ATXN2L: variants seen among roughly 807,000 people sequenced by gnomAD.
ATXN2L encodes the protein ataxin 2 like.
A neutral mutation model predicts 120.7 loss-of-function variants in ATXN2L; 24 were observed. The ratio of observed to expected loss-of-function variants is 0.20; its 90% CI spans 0.14 to 0.28. The LOEUF is 0.28. Ranked by LOEUF, ATXN2L falls within the 10% of genes least tolerant of loss-of-function variation. The pLI, the probability that ATXN2L is intolerant of heterozygous loss-of-function variation, is 1.00. For missense variants in ATXN2L, 1,312 were observed against 1,432.3 expected (o/e 0.92, Z 1.36); for synonymous variants, 653 against 568.1 (o/e 1.15, Z -2.13).
At position 28,834,133 on chromosome 16, in the gene ATXN2L, G is replaced by C; in HGVS notation, c.2094G>C (p.Leu698=). 6.2e-7 allele frequency: 1 copy of C among 1,614,146 alleles called. No individual in the cohort carries two copies. Among genetic ancestry groups the C allele is most frequent in the Non-Finnish European group, 8.5e-7 (1 of 1,180,022 alleles). ...ATTCAACTCCCTCCATCCCGGTGCT[G>C]ACAGCAGGCCAGAGTGGGCTATACA... The part of the protein sequence containing the change: ...RTHSTPSIPV[L]TAGQSGLYSP... Residue 698 remains leucine, a synonymous_variant, in exon 16 of 22, where the codon CTG becomes CTC. Coordinates refer to ENST00000336783, the MANE Select transcript of ATXN2L (RefSeq NM_007245.4).
chr16:28,824,901 G>A (rs2051243720), intron 1 of ATXN2L, among the ~76,000 whole-genome samples: 1 of 152,052 alleles, frequency 6.6e-6, no homozygotes, highest in Non-Finnish European at 1.5e-5. Flanking sequence ...CCTCTACAAG[G>A]TGACAGTTTG....
rs557932604 is a variant in ATXN2L at position 28,829,294 on chromosome 16, T to C, written c.742-107T>C. On this transcript the variant is annotated intron_variant, in intron 6 of 21. Coordinates refer to ENST00000336783, the MANE Select transcript of ATXN2L (RefSeq NM_007245.4). The stretch of plus-strand genomic sequence containing the variant: ...CTGGGATTACAGGTTTCAGCCACTG[T>C]GCCCAGCCAATTTGTTCACATCTTG... 82 of 781,486 alleles carry C rather than the reference T, an allele frequency of 1.0e-4. 1 individual carries two copies. Among genetic ancestry groups the C allele is most frequent in the Non-Finnish European group, 1.8e-4 (78 of 444,504 alleles). 48.4% of individuals were successfully genotyped at this position (781,486 alleles called of 1,614,324 possible). A position where few individuals can be genotyped will look rare whatever the true frequency, so the allele number is the denominator to read the frequency against.
intron 7 of ATXN2L, 168 bp downstream of exon 7, chr16:28,829,660 C>T (rs1475194608): frequency 3.9e-6 from 3 of 763,528 alleles, no homozygotes; most frequent in South Asian, 1.8e-5. Context: ...AGGTTTTAAG[C>T]GTCTTAAGTG....
intron 21 of ATXN2L, 50 bp downstream of exon 21, chr16:28,835,808 G>A (rs1464362165): frequency 1.2e-6 from 2 of 1,609,750 alleles, no homozygotes; most frequent in Non-Finnish European, 1.7e-6. Context: ...GGGCCCGTCT[G>A]CCATGGGGAC....
chr16:28,829,036 C>G (rs2053360519), intron 6 of ATXN2L, among the ~76,000 whole-genome samples: 1 of 152,160 alleles, frequency 6.6e-6, no homozygotes, highest in African/African-American at 2.4e-5. Flanking sequence ...CAGCTAGTCG[C>G]CCAGGCCAGA....
chr16:28,833,697 A>G (rs2055389420), intron 15 of ATXN2L, among the ~76,000 whole-genome samples, 189 bp downstream of exon 15: 1 of 134,312 alleles, frequency 7.4e-6, no homozygotes, highest in Non-Finnish European at 1.7e-5. Context: ...TCAGGTCTCT[A>G]GGTTTGGGTG....
chr16:28,826,486 G>C (rs2052041078), intron 5 of ATXN2L, 96 bp downstream of exon 5: 5 of 1,397,404 alleles, frequency 3.6e-6, no homozygotes, highest in Admixed American at 4.3e-5. Flanking sequence ...TGTTTGGTTT[G>C]TTTTTTTGTT....
At chr16:28,834,887 G>T in intron 18 of ATXN2L, 171 bp from the exon 19 acceptor site, 1 of 1,147,010 alleles carries the variant, frequency 8.7e-7, no homozygotes, top group African/African-American at 1.6e-5. Context: ...TTGGACATCT[G>T]TATCTCTGAA....
At chr16:28,828,438 T>A (rs977531905) in intron 6 of ATXN2L, among the ~76,000 whole-genome samples, 3 of 151,914 alleles carry the variant, frequency 2.0e-5, no homozygotes, top group Admixed American at 2.0e-4. Flanking sequence ...AATACAAAAT[T>A]AGCTGGGCGT....
chr16:28,823,821 C>T, intron 1 of ATXN2L: 1 of 380,550 alleles, frequency 2.6e-6, no homozygotes, highest in Non-Finnish European at 4.5e-6. Context: ...AGGCGGGGCG[C>T]ATCCCGCCGG....
At position 28,829,398 on chromosome 16, in the gene ATXN2L, C is replaced by T; in HGVS notation, c.742-3C>T. On this transcript the variant is annotated splice_polypyrimidine_tract_variant and splice_region_variant and intron_variant, in intron 6 of 21. Transcript: ENST00000336783. ...TTTTAAAACCACCTTCCTCCCTCCC[C>T]AGTCCAATGGATGGGACCCCAATGA... is the stretch of plus-strand genomic sequence containing the variant. The T allele has an allele frequency of 1.2e-6, 2 of 1,606,746 alleles. No individual in the cohort carries two copies. The highest frequency in any genetic ancestry group is 1.7e-5 in the Admixed American group (1 of 59,992).
In ATXN2L at chr16:28,836,662, A is replaced by G. The variant is rs1273531735; in HGVS notation, c.*397A>G. ...CACCCCCACGCCCCCACTGGACGGC[A>G]TTGGAGGAAGGGACAGCTGCTTGGG... On this transcript the variant is annotated 3_prime_UTR_variant, in exon 22 of 22. Coordinates refer to ENST00000336783, the MANE Select transcript of ATXN2L (RefSeq NM_007245.4). 11 of 1,611,548 alleles carry G rather than the reference A, an allele frequency of 6.8e-6. No individual in the cohort carries two copies. The highest frequency in any genetic ancestry group is 1.3e-5 in the African/African-American group (1 of 74,230).
At position 28,833,272 on chromosome 16, in the gene ATXN2L, C is replaced by T; in HGVS notation, c.1873C>T (p.Pro625Ser). 1 of 1,614,234 alleles carries T rather than the reference C, an allele frequency of 6.2e-7. No individual in the cohort carries two copies. The highest frequency in any genetic ancestry group is 8.5e-7 in the Non-Finnish European group (1 of 1,180,050). Residue 625 changes from proline (P) to serine (S), a missense_variant, in exon 14 of 22, where the codon CCA becomes TCA. Coordinates refer to ENST00000336783, the MANE Select transcript of ATXN2L (RefSeq NM_007245.4). ...AGGCACTGAGGGGCCAGAGCAGCCC[C>T]CACCACCTTGTCCAAGCCAAACTGG... ...SGGTEGPEQPPPPCPSQTGSP... is the reference protein window; with the variant it reads ...SGGTEGPEQPSPPCPSQTGSP...
chr16:28,827,112 G>A (rs1445544586), intron 6 of ATXN2L, 126 bp downstream of exon 6: 4 of 1,019,216 alleles, frequency 3.9e-6, no homozygotes, highest in Non-Finnish European at 5.2e-6. Context: ...ATAACAAATA[G>A]AAAGGTATAG....
Position 28,830,797 on chromosome 16 carries a change from T to C in ATXN2L, c.1210+7T>C. 6.3e-7 allele frequency: 1 copy of C among 1,584,782 alleles called. No individual in the cohort carries two copies. The highest frequency in any genetic ancestry group is 8.6e-7 in the Non-Finnish European group (1 of 1,166,078). On this transcript the variant is annotated splice_region_variant and intron_variant, in intron 9 of 21. Transcript: ENST00000336783. ...GCCCGTGGTATCAATGGAGGTGAGT[T>C]ATGAGGTGACTTTGAGGAAGAGGGC...
chr16:28,829,281 G>A (rs1033056651), intron 6 of ATXN2L, 120 bp from the exon 7 acceptor site: 1 of 717,160 alleles, frequency 1.4e-6, no homozygotes, highest in Admixed American at 2.1e-5. Flanking sequence ...GGGATTACAG[G>A]TTTCAGCCAC....
chr16:28,835,459 G>A, intron 20 of ATXN2L, 60 bp downstream of exon 20: 1 of 1,611,606 alleles, frequency 6.2e-7, no homozygotes, highest in Non-Finnish European at 8.5e-7. Context: ...CAGAAGAAGG[G>A]ATAGAGCTAG....
chr16:28,830,088 G>A, intron 8 of ATXN2L, 30 bp downstream of exon 8: 1 of 1,584,984 alleles, frequency 6.3e-7, no homozygotes. Context: ...AGGACTACTT[G>A]GGGCTTCTGG....
chr16:28,826,825 A>G, intron 5 of ATXN2L, 37 bp from the exon 6 acceptor site: 1 of 1,505,706 alleles, frequency 6.6e-7, no homozygotes. Flanking sequence ...TCTGTGAAAT[A>G]TAGCCTGACT....
Sources: gnomAD v4.1 joint callset for allele counts (sites outside exome capture counted in the v4.1 genomes callset) on GRCh38, gnomAD v4.1.1 for gene constraint, MANE v1.5 for transcripts, NCBI Gene and HGNC (gene_info 2026-07-23, HGNC 2026-07-21) for gene names.